The following FMN2 variants were observed in gnomAD, a reference collection of about 807,000 sequenced individuals.
The protein encoded by FMN2 is formin 2.
A neutral mutation model predicts 142.3 loss-of-function variants in FMN2; 51 were observed. That is an observed-to-expected ratio of 0.36 (90% CI 0.29 to 0.45). The LOEUF (loss-of-function observed/expected upper bound fraction) is 0.45, where lower values mean the gene tolerates loss of function less well. Among genes scored for constraint, FMN2 ranks in the 20% least tolerant of loss-of-function variants. The pLI is 1.00. For missense variants in FMN2, 1,936 were observed against 2,122.8 expected (o/e 0.91, Z 1.73); for synonymous variants, 882 against 869.8 (o/e 1.01, Z -0.25).
chr1:240,427,100 A>C (rs1361510391), intron 15 of FMN2, among the ~76,000 whole-genome samples: 1 of 151,958 alleles, frequency 6.6e-6, no homozygotes, highest in African/African-American at 2.4e-5. Context: ...AAAAATGATT[A>C]GGCCCTAATA....
chr1:240,423,018 T>C (rs1265092023), intron 15 of FMN2, among the ~76,000 whole-genome samples: 1 of 152,196 alleles, frequency 6.6e-6, no homozygotes, highest in African/African-American at 2.4e-5. Flanking sequence ...AAGGTGTAAG[T>C]ACCACAGTTC....
intron 6 of FMN2, among the ~76,000 whole-genome samples, chr1:240,255,274 T>G (rs1446916298): frequency 1.3e-5 from 2 of 152,164 alleles, no homozygotes; most frequent in Admixed American, 1.3e-4. Flanking sequence ...CTGTTTGACC[T>G]GTGATATCTA....
At chr1:240,111,448 A>G (rs1661803814) in intron 1 of FMN2, among the ~76,000 whole-genome samples, 1 of 152,184 alleles carries the variant, frequency 6.6e-6, no homozygotes, top group South Asian at 2.1e-4. Context: ...TTATTTCTTG[A>G]TGATATGCTA....
At chr1:240,355,141 C>G (rs1161599432) in intron 13 of FMN2, among the ~76,000 whole-genome samples, 1 of 152,068 alleles carries the variant, frequency 6.6e-6, no homozygotes, top group African/African-American at 2.4e-5. Context: ...TCTGTGGACT[C>G]TTGGGCAAAT....
At chr1:240,140,665 G>C (rs965258867) in intron 2 of FMN2, among the ~76,000 whole-genome samples, 1 of 152,014 alleles carries the variant, frequency 6.6e-6, no homozygotes, top group African/African-American at 2.4e-5. Context: ...AAATTCTGTG[G>C]GGGGTGGGTG....
chr1:240,098,122 G>T (rs1268494566), intron 1 of FMN2, among the ~76,000 whole-genome samples: 22 of 74,468 alleles, frequency 3.0e-4, no homozygotes, highest in Non-Finnish European at 4.4e-4. Flanking sequence ...TTTTTTTGGA[G>T]ACAGATTTCA....
rs1405589400 is a variant in FMN2, at chr1:240,350,682, G to A, written c.4766-5134G>A. Among the ~76,000 whole-genome samples, 3 of 152,282 alleles carry A rather than the reference G, an allele frequency of 2.0e-5. No homozygotes were observed. In the East Asian group the frequency reaches 5.8e-4, roughly 29 times the overall value. On this transcript the variant is annotated intron_variant, in intron 13 of 17. Coordinates refer to ENST00000319653, the MANE Select transcript of FMN2 (RefSeq NM_020066.5). ...AAGAACTGGACTTGCATCCAGATCCGTTTAACCAGTGCTTTGATTCTATCC... is the reference window on the plus strand; with the variant it reads ...AAGAACTGGACTTGCATCCAGATCCATTTAACCAGTGCTTTGATTCTATCC...
At chr1:240,202,106 C>G (rs1199284514) in intron 4 of FMN2, among the ~76,000 whole-genome samples, 1 of 152,140 alleles carries the variant, frequency 6.6e-6, no homozygotes, top group Non-Finnish European at 1.5e-5. Flanking sequence ...GTGGTTGCAT[C>G]TAATTGGATG....
chr1:240,170,515 G>C (rs1447513238), intron 2 of FMN2: 6 of 1,519,540 alleles, frequency 3.9e-6, no homozygotes, highest in Non-Finnish European at 5.5e-6. Context: ...GAATATAAGA[G>C]TCACTCAAGG....
chr1:240,256,369 G>A (rs150958117), intron 6 of FMN2, among the ~76,000 whole-genome samples: 1 of 152,206 alleles, frequency 6.6e-6, no homozygotes, highest in East Asian at 1.9e-4. Context: ...GAATCAAAAT[G>A]TATATGTTGC....
At chr1:240,096,522 T>C (rs1655152311) in intron 1 of FMN2, among the ~76,000 whole-genome samples, 1 of 152,200 alleles carries the variant, frequency 6.6e-6, no homozygotes. Flanking sequence ...TACTCTCCTC[T>C]GCTATTTTTT....
intron 8 of FMN2, among the ~76,000 whole-genome samples, chr1:240,327,751 A>G (rs888352032): frequency 6.6e-6 from 1 of 152,174 alleles, no homozygotes; most frequent in South Asian, 2.1e-4. Flanking sequence ...ATCTTCTCTC[A>G]TAAGGAAACA....
intron 8 of FMN2, among the ~76,000 whole-genome samples, chr1:240,308,180 A>G (rs1333033330): frequency 6.6e-6 from 1 of 152,186 alleles, no homozygotes; most frequent in Non-Finnish European, 1.5e-5. Context: ...CTAAGAGACC[A>G]TATCATGCCT....
At chr1:240,153,389 T>TG (rs1663868095) in intron 2 of FMN2, among the ~76,000 whole-genome samples, 1 of 150,050 alleles carries the variant, frequency 6.7e-6, no homozygotes, top group Admixed American at 6.7e-5. Flanking sequence ...TTTACAGTTT[T>TG]TTTTTTTTTT....
At chr1:240,452,309 T>G (rs1044263258) in intron 16 of FMN2, among the ~76,000 whole-genome samples, 12 of 152,318 alleles carry the variant, frequency 7.9e-5, no homozygotes, top group African/African-American at 2.9e-4. Context: ...GAAGTGAAAG[T>G]TGACAGGCAA....
chr1:240,257,352 T>C (rs1668480581), intron 6 of FMN2, among the ~76,000 whole-genome samples: 1 of 152,176 alleles, frequency 6.6e-6, no homozygotes, highest in African/African-American at 2.4e-5. Flanking sequence ...TGTTAATTAG[T>C]AGGAAAGTTC....
chr1:240,186,701 G>A (rs1244656003), intron 3 of FMN2, among the ~76,000 whole-genome samples: 3 of 152,140 alleles, frequency 2.0e-5, no homozygotes, highest in Non-Finnish European at 4.4e-5. Context: ...ACTGGTGTGT[G>A]ACAAGACAAG....
chr1:240,389,189 T>G (rs1219168862), intron 14 of FMN2, among the ~76,000 whole-genome samples: 3 of 152,188 alleles, frequency 2.0e-5, no homozygotes, highest in Non-Finnish European at 2.9e-5. Flanking sequence ...TATTAATAGT[T>G]GATTATCTGT....
intron 4 of FMN2, among the ~76,000 whole-genome samples, chr1:240,205,771 T>C (rs1311598701): frequency 6.6e-6 from 1 of 151,812 alleles, no homozygotes; most frequent in African/African-American, 2.4e-5. Flanking sequence ...AATGCCCTTC[T>C]TTCTACTCAA....
Sources: allele counts gnomAD v4.1 joint callset (sites outside exome capture counted in the v4.1 genomes callset), GRCh38; gene constraint gnomAD v4.1.1; transcripts MANE v1.5; gene names NCBI Gene and HGNC (gene_info 2026-07-23, HGNC 2026-07-21).